Variants in ANO4 observed in about 807,000 individuals in gnomAD.
The protein encoded by ANO4 is anoctamin 4, also known as anoctamin-4.
Under a neutral mutation model 141.9 loss-of-function variants are expected in ANO4, and 69 were observed. That is an observed-to-expected ratio of 0.49 (90% confidence interval 0.40 to 0.59). ANO4 has a LOEUF of 0.59. ANO4 is among the 20% of genes least tolerant of loss of function. The pLI is 0.00. For synonymous variants in ANO4, 350 were observed against 394.3 expected (o/e 0.89, Z 1.33); for missense variants, 894 against 1,162.2 (o/e 0.77, Z 3.36).
At chr12:100,796,716 T>C (rs2034348232) in intron 1 of ANO4, among the ~76,000 whole-genome samples, 1 of 152,182 alleles carries the variant, frequency 6.6e-6, no homozygotes, top group African/African-American at 2.4e-5. Context: ...CTACACTCGA[T>C]TGTGGTTCGC....
chr12:100,823,674 A>G lies in ANO4; in HGVS notation c.-141+28647A>G, dbSNP rs4764754. On this transcript the variant is annotated intron_variant, in intron 1 of 27. Transcript: ENST00000392977. ...ATAAGCCAGTAAATCTATTTTTTTC[A>G]TAAATGTCCTATCATGTTTTTCCCC... Among the ~76,000 whole-genome samples the G allele has an allele frequency of 6.2e-3, 947 of 152,124 alleles. 5 individuals are homozygous for G. Among genetic ancestry groups the G allele is most frequent in the Non-Finnish European group, 0.01 (713 of 67,926 alleles).
rs569153693 is a variant in ANO4 at position 101,118,047 on chromosome 12, G to A, written c.2570+1249G>A. Among the ~76,000 whole-genome samples, 17 of 151,922 alleles carry A rather than the reference G, an allele frequency of 1.1e-4. No individual in the cohort carries two copies. The South Asian group carries it at 3.1e-3, about 28-fold the overall frequency. ...ACTGGCTGGAATATAATCTAGTGCC[G>A]CTCTCTGTTGGGGTCTAGTGGAGAA... On this transcript the variant is annotated intron_variant, in intron 25 of 27. Transcript: ENST00000392977.
intron 26 of ANO4, among the ~76,000 whole-genome samples, chr12:101,120,937 T>C (rs2051063552): frequency 6.6e-6 from 1 of 152,208 alleles, no homozygotes; most frequent in Non-Finnish European, 1.5e-5. Flanking sequence ...CTCCCAGATA[T>C]TCTGACATAC....
At chr12:100,885,104 C>A (rs2039765755) in intron 1 of ANO4, among the ~76,000 whole-genome samples, 1 of 152,210 alleles carries the variant, frequency 6.6e-6, no homozygotes, top group African/African-American at 2.4e-5. Context: ...ACCAAAGGTT[C>A]TCTGTTTTTG....
chr12:100,771,383 C>T (rs893014844), intron 3 of ANO4, among the ~76,000 whole-genome samples: 3 of 152,130 alleles, frequency 2.0e-5, no homozygotes, highest in African/African-American at 7.2e-5. Flanking sequence ...GTCAGGGTAG[C>T]TGATTAAGTT....
chr12:100,725,439 C>T (rs994591840), intron 1 of ANO4, among the ~76,000 whole-genome samples: 9 of 151,092 alleles, frequency 6.0e-5, no homozygotes, highest in South Asian at 2.1e-4. Flanking sequence ...CTCCGCCTTC[C>T]GGGTTCACGC....
At chr12:101,039,771 T>C (rs570222743) in intron 10 of ANO4, among the ~76,000 whole-genome samples, 184 bp from the exon 11 acceptor site, 1 of 152,192 alleles carries the variant, frequency 6.6e-6, no homozygotes, top group East Asian at 1.9e-4. Flanking sequence ...TTACTAGATA[T>C]CAGCAGTAGC....
At chr12:100,893,240 A>T (rs1413636499) in intron 1 of ANO4, among the ~76,000 whole-genome samples, 8 of 143,704 alleles carry the variant, frequency 5.6e-5, no homozygotes, top group African/African-American at 2.0e-4. Flanking sequence ...AAGAAGGAGG[A>T]TTTTTTTTTT....
intron 7 of ANO4, among the ~76,000 whole-genome samples, chr12:100,984,212 T>G (rs1566089012): frequency 6.6e-6 from 1 of 152,188 alleles, no homozygotes; most frequent in African/African-American, 2.4e-5. Context: ...TTTTCCTGCC[T>G]CAACCTCCTA....
chr12:100,853,746 G>A (rs1002818338), intron 1 of ANO4, among the ~76,000 whole-genome samples: 19 of 152,012 alleles, frequency 1.2e-4, no homozygotes, highest in South Asian at 4.1e-4. Flanking sequence ...AATGTTTTAC[G>A]TGTATATTTA....
rs148308691 is a variant in ANO4 at position 101,099,676 on chromosome 12, A to C, written c.2105A>C (p.Gln702Pro). Residue 702 changes from glutamine to proline, a missense_variant, in exon 22 of 28, where the codon CAG (glutamine) becomes CCG (proline). Physicochemically the swap from Gln to Pro is moderately conservative, Grantham distance 76. This residue lies in a region of ANO4 where 637 missense variants were observed against 909.2 expected (regional missense o/e 0.70). Coordinates refer to ENST00000392977, the MANE Select transcript of ANO4 (RefSeq NM_001286615.2). ...CAATGGGAAAAGGACTATAACCTTC[A>C]GCCGATGAATGCCTATGGACTCTTC... ...FPQWEKDYNL[Q>P]PMNAYGLFDE... 6.2e-7 allele frequency: 1 copy of C among 1,610,674 alleles called. No homozygotes were observed. The highest frequency in any genetic ancestry group is 1.3e-5 in the African/African-American group (1 of 74,704).
intron 10 of ANO4, 89 bp downstream of exon 10, chr12:101,037,239 A>G: frequency 7.3e-7 from 1 of 1,373,628 alleles, no homozygotes; most frequent in Non-Finnish European, 1.0e-6. Flanking sequence ...GAATTTGTTG[A>G]CATTTGCTCA....
intron 1 of ANO4, among the ~76,000 whole-genome samples, chr12:100,878,235 T>G (rs1050977366): frequency 2.0e-5 from 3 of 152,194 alleles, no homozygotes; most frequent in African/African-American, 7.2e-5. Flanking sequence ...ACTGAGCACC[T>G]ATGGTATGCC....
intron 1 of ANO4, among the ~76,000 whole-genome samples, chr12:100,726,193 T>A (rs1223549617): frequency 6.6e-6 from 1 of 152,232 alleles, no homozygotes; most frequent in Non-Finnish European, 1.5e-5. Context: ...GTTGTGCACT[T>A]GGGATTTGGG....
chr12:100,820,892 C>T (rs577234008), intron 1 of ANO4, among the ~76,000 whole-genome samples: 6 of 152,138 alleles, frequency 3.9e-5, no homozygotes, highest in African/African-American at 4.8e-5. Context: ...TTCTCATTAA[C>T]GATGCAAAGT....
intron 3 of ANO4, among the ~76,000 whole-genome samples, chr12:100,758,581 C>T (rs1267442865): frequency 1.3e-5 from 2 of 152,194 alleles, no homozygotes; most frequent in East Asian, 3.9e-4. Context: ...ACTTATATCA[C>T]TCTAAAGAAT....
intron 1 of ANO4, among the ~76,000 whole-genome samples, chr12:100,830,676 T>G (rs989798344): frequency 1.3e-5 from 2 of 152,096 alleles, no homozygotes; most frequent in Admixed American, 1.3e-4. Context: ...TATGTCATCC[T>G]TCCTGCTCAG....
chr12:100,995,924 G>A (rs924365181), intron 8 of ANO4, among the ~76,000 whole-genome samples: 2 of 152,208 alleles, frequency 1.3e-5, no homozygotes, highest in African/African-American at 2.4e-5. Context: ...GGGCTCTGGA[G>A]CCAGCTTCTC....
chr12:100,799,578 G>A (rs545108915), intron 1 of ANO4, among the ~76,000 whole-genome samples: 1 of 152,070 alleles, frequency 6.6e-6, no homozygotes, highest in South Asian at 2.1e-4. Context: ...TCCATCTTAC[G>A]AAAAATACAA....
Sources: allele counts gnomAD v4.1 joint callset (sites outside exome capture counted in the v4.1 genomes callset), GRCh38; gene constraint gnomAD v4.1.1; regional missense constraint gnomAD v4.1.1; transcripts MANE v1.5; gene names NCBI Gene and HGNC (gene_info 2026-07-23, HGNC 2026-07-21).